The following UMAD1 variants were observed in gnomAD, a reference collection of about 807,000 sequenced individuals.
The protein encoded by UMAD1 is UBAP1-MVB12-associated (UMA) domain containing 1, also known as UBAP1-MVB12-associated (UMA)-domain containing protein 1.
A neutral mutation model predicts 6.1 loss-of-function variants in UMAD1; 8 were observed. The ratio of observed to expected loss-of-function variants is 1.30; its 90% CI spans 0.76 to 2.35. The LOEUF (loss-of-function observed/expected upper bound fraction) is 2.35. Ranked by LOEUF, UMAD1 falls within the 30% of genes most tolerant of loss-of-function variation. The probability of loss-of-function intolerance (pLI) is 0.00; values close to 1 mark genes in which losing one functional copy is unlikely to be tolerated. For synonymous variants in UMAD1, 56 were observed against 31.4 expected, an observed-to-expected ratio of 1.78 and a Z score of -2.61; for missense variants, 130 against 78.4, an observed-to-expected ratio of 1.66 and a Z score of -2.49.
intron 2 of UMAD1, among the ~76,000 whole-genome samples, chr7:7,696,789 C>T (rs1780329679): frequency 6.6e-6 from 1 of 152,134 alleles, no homozygotes; most frequent in African/African-American, 2.4e-5. Context: ...ATAGGTAGGG[C>T]CCTGTGAAAC....
intron 2 of UMAD1, among the ~76,000 whole-genome samples, chr7:7,799,958 A>C (rs1371278624): frequency 1.3e-5 from 2 of 152,218 alleles, no homozygotes; most frequent in Non-Finnish European, 2.9e-5. Context: ...TTCTCGGCTC[A>C]CTGCAACCTC....
At chr7:7,668,380 A>T (rs575738872) in intron 1 of UMAD1, among the ~76,000 whole-genome samples, 88 of 152,166 alleles carry the variant, frequency 5.8e-4, no homozygotes, top group Non-Finnish European at 1.1e-3. Flanking sequence ...ATTTATGAGT[A>T]CAGTACTATA....
At chr7:7,803,282 C>T (rs1782838639) in intron 3 of UMAD1, among the ~76,000 whole-genome samples, 1 of 152,170 alleles carries the variant, frequency 6.6e-6, no homozygotes, top group African/African-American at 2.4e-5. Context: ...TTGAGACCGG[C>T]CTGGGCAACA....
At chr7:7,856,098 G>A (rs914149095) in intron 3 of UMAD1, among the ~76,000 whole-genome samples, 2 of 152,148 alleles carry the variant, frequency 1.3e-5, no homozygotes, top group South Asian at 2.1e-4. Context: ...ACTTTACTAC[G>A]TCTTCTAGTC....
At chr7:7,791,299 C>T (rs191868205) in intron 2 of UMAD1, among the ~76,000 whole-genome samples, 167 of 152,278 alleles carry the variant, frequency 1.1e-3, no homozygotes, top group African/African-American at 3.8e-3. Context: ...AGCCTGTTGT[C>T]AGTGGAATGC....
At chr7:7,683,892 G>A (rs552273401) in intron 2 of UMAD1, among the ~76,000 whole-genome samples, 2 of 152,204 alleles carry the variant, frequency 1.3e-5, no homozygotes, top group South Asian at 4.2e-4. Context: ...CAAACAGCTG[G>A]GATTATAGGC....
rs766086 is a variant in UMAD1, at chr7:7,803,862, T to C, written c.156+2119T>C. Among the ~76,000 whole-genome samples the C allele has an allele frequency of 1.2e-3, 185 of 152,278 alleles. 1 individual carries two copies. The highest frequency in any genetic ancestry group is 2.3e-3 in the Non-Finnish European group (155 of 68,022). On this transcript the variant is annotated intron_variant, in intron 3 of 3. Transcript: ENST00000682710. ...GGATTAGGTTTCAACATACGAATTTTGGAGGGACACAAAGCATTCAGACCA... is the reference window on the plus strand; with the variant it reads ...GGATTAGGTTTCAACATACGAATTTCGGAGGGACACAAAGCATTCAGACCA...
intron 3 of UMAD1, among the ~76,000 whole-genome samples, chr7:7,822,195 A>G (rs1783253446): frequency 1.3e-5 from 2 of 152,138 alleles, no homozygotes; most frequent in African/African-American, 4.8e-5. Context: ...ATTGTTTGAC[A>G]AAAACTTAAA....
intron 2 of UMAD1, among the ~76,000 whole-genome samples, chr7:7,775,869 C>T (rs1782194869): frequency 6.6e-6 from 1 of 151,938 alleles, no homozygotes; most frequent in Non-Finnish European, 1.5e-5. Context: ...AAATGTGAAC[C>T]TATAGTAATG....
At chr7:7,666,687 C>A (rs1033779730) in intron 1 of UMAD1, among the ~76,000 whole-genome samples, 4 of 151,944 alleles carry the variant, frequency 2.6e-5, no homozygotes, top group Non-Finnish European at 5.9e-5. Context: ...TTTTATTGAG[C>A]TGTTTTTTCA....
intron 1 of UMAD1, among the ~76,000 whole-genome samples, chr7:7,662,513 G>A (rs114042258): frequency 4.9e-4 from 74 of 152,248 alleles, no homozygotes; most frequent in African/African-American, 1.6e-3. Flanking sequence ...TATCCGGACC[G>A]GAGTGCACTG....
At chr7:7,818,649 A>C (rs1464735794) in intron 3 of UMAD1, among the ~76,000 whole-genome samples, 1 of 152,214 alleles carries the variant, frequency 6.6e-6, no homozygotes, top group East Asian at 1.9e-4. Context: ...TTGACCCAGC[A>C]ATACCTTTAC....
At chr7:7,753,651 C>A (rs976101590) in intron 2 of UMAD1, among the ~76,000 whole-genome samples, 2 of 152,132 alleles carry the variant, frequency 1.3e-5, no homozygotes, top group African/African-American at 4.8e-5. Context: ...ATAAATACCA[C>A]GTTTTCTCTA....
chr7:7,872,941 G>A (rs1784357689), intron 3 of UMAD1, among the ~76,000 whole-genome samples: 1 of 152,190 alleles, frequency 6.6e-6, no homozygotes, highest in African/African-American at 2.4e-5. Flanking sequence ...GGTATTATTT[G>A]AACTACCAGT....
intron 2 of UMAD1, among the ~76,000 whole-genome samples, chr7:7,770,307 TCTGGAGC>T (rs1309367250): frequency 6.6e-6 from 1 of 152,152 alleles, no homozygotes; most frequent in Non-Finnish European, 1.5e-5. Flanking sequence ...CCTCCAGGGC[TCTGGAGC>T]CTGCCTAGCC....
At chr7:7,731,259 C>G (rs1781246171) in intron 2 of UMAD1, among the ~76,000 whole-genome samples, 1 of 152,126 alleles carries the variant, frequency 6.6e-6, no homozygotes, top group African/African-American at 2.4e-5. Context: ...CTAGGCCTCC[C>G]AAAGTGCTGG....
intron 3 of UMAD1, chr7:7,868,699 C>T (rs17562406): frequency 0.16 from 24,988 of 152,062 alleles, 2,930 homozygotes; most frequent in Non-Finnish European, 0.23. Flanking sequence ...TGAAATACAG[C>T]GTTCTTGAAC....
At chr7:7,676,673 C>A (rs528068520) in intron 2 of UMAD1, among the ~76,000 whole-genome samples, 5 of 152,072 alleles carry the variant, frequency 3.3e-5, no homozygotes, top group Non-Finnish European at 7.4e-5. Flanking sequence ...CTAACCCAAA[C>A]TTTTTACTAT....
intron 1 of UMAD1, among the ~76,000 whole-genome samples, chr7:7,652,859 G>A (rs1785254930): frequency 6.6e-6 from 1 of 152,220 alleles, no homozygotes; most frequent in Admixed American, 6.5e-5. Flanking sequence ...TTAGTTGGCA[G>A]TTTAGGGAGT....
Sources: gnomAD v4.1 joint callset for allele counts (sites outside exome capture counted in the v4.1 genomes callset) on GRCh38, gnomAD v4.1.1 for gene constraint, MANE v1.5 for transcripts, NCBI Gene and HGNC (gene_info 2026-07-23, HGNC 2026-07-21) for gene names.